OLFM2: variants seen among roughly 807,000 people sequenced by gnomAD.
The protein encoded by OLFM2 is noelin-2.
A neutral mutation model predicts 43.9 loss-of-function variants in OLFM2; 20 were observed. The observed-to-expected ratio is 0.46, with a 90% CI of 0.32 to 0.66. The LOEUF (loss-of-function observed/expected upper bound fraction) is 0.66, where lower values mean the gene tolerates loss of function less well. Among genes scored for constraint, OLFM2 ranks in the 30% least tolerant of loss-of-function variants. OLFM2 has a pLI of 0.04. For synonymous variants in OLFM2, 268 were observed against 278.6 expected (o/e 0.96, Z 0.38); for missense variants, 416 against 643.6 (o/e 0.65, Z 3.83).
intron 1 of OLFM2, among the ~76,000 whole-genome samples, chr19:9,932,019 T>C (rs2086485864): frequency 6.6e-6 from 1 of 152,182 alleles, no homozygotes; most frequent in African/African-American, 2.4e-5. Context: ...TCAGCAGATA[T>C]TTCTTGAGCA....
At chr19:9,898,320 G>A (rs529359883) in intron 1 of OLFM2, among the ~76,000 whole-genome samples, 2 of 150,972 alleles carry the variant, frequency 1.3e-5, no homozygotes, top group South Asian at 2.1e-4. Context: ...TCAGGAGTTC[G>A]AGACCAGCCT....
intron 1 of OLFM2, among the ~76,000 whole-genome samples, chr19:9,901,700 G>A (rs1414829952): frequency 6.6e-6 from 1 of 152,202 alleles, no homozygotes; most frequent in African/African-American, 2.4e-5. Flanking sequence ...CAAAAGAGCA[G>A]CATGTAGGCA....
At chr19:9,861,848 C>T (rs2046367219) in intron 1 of OLFM2, among the ~76,000 whole-genome samples, 1 of 152,088 alleles carries the variant, frequency 6.6e-6, no homozygotes, top group Non-Finnish European at 1.5e-5. Context: ...GGCAAAGCCC[C>T]ATCTCTACTA....
chr19:9,855,818 G>A (rs1403731188), intron 5 of OLFM2, among the ~76,000 whole-genome samples: 2 of 152,126 alleles, frequency 1.3e-5, no homozygotes, highest in African/African-American at 2.4e-5. Context: ...TTACAGGCGT[G>A]AGCCACTGCA....
intron 1 of OLFM2, among the ~76,000 whole-genome samples, chr19:9,891,312 C>T (rs1284380817): frequency 1.4e-5 from 1 of 69,698 alleles, no homozygotes; most frequent in South Asian, 4.3e-4. Context: ...GACTCCATCT[C>T]GGAAAAAAAA....
At chr19:9,914,300 G>A (rs997046307) in intron 1 of OLFM2, among the ~76,000 whole-genome samples, 12 of 152,124 alleles carry the variant, frequency 7.9e-5, no homozygotes, top group African/African-American at 2.7e-4. Flanking sequence ...ATTGGGGGGC[G>A]TGGGGGGGCG....
Position 9,883,956 on chromosome 19 carries a change from G to A in OLFM2, c.64-23162C>T, listed in dbSNP as rs571534760. Among the ~76,000 whole-genome samples, 7 of 152,156 alleles carry A rather than the reference G, an allele frequency of 4.6e-5. 1 individual carries two copies. The South Asian group carries it at 1.2e-3, about 27-fold the overall frequency. ...TCACGGAGGTTGAACGAATGCCTGC[G>A]CACACAGAGCTTAAAATCACAGTAG... On this transcript the variant is annotated intron_variant, in intron 1 of 5. Coordinates refer to ENST00000264833, the MANE Select transcript of OLFM2 (RefSeq NM_058164.4).
At chr19:9,899,683 C>T (rs1020995056) in intron 1 of OLFM2, among the ~76,000 whole-genome samples, 5 of 152,202 alleles carry the variant, frequency 3.3e-5, no homozygotes, top group Non-Finnish European at 4.4e-5. Flanking sequence ...TCCCAAGTAG[C>T]TGGGACTACA....
At chr19:9,867,718 T>C (rs1477613227) in intron 1 of OLFM2, among the ~76,000 whole-genome samples, 7 of 152,122 alleles carry the variant, frequency 4.6e-5, no homozygotes, top group African/African-American at 1.7e-4. Flanking sequence ...AGCCTGCCAG[T>C]CCACAGCCAA....
intron 1 of OLFM2, among the ~76,000 whole-genome samples, chr19:9,879,530 C>A (rs2046522030): frequency 6.6e-6 from 1 of 152,112 alleles, no homozygotes; most frequent in Non-Finnish European, 1.5e-5. Context: ...TCACCCCCTG[C>A]CATGAATGTC....
At chr19:9,871,625 T>A (rs2046443191) in intron 1 of OLFM2, among the ~76,000 whole-genome samples, 1 of 150,652 alleles carries the variant, frequency 6.6e-6, no homozygotes, top group Non-Finnish European at 1.5e-5. Context: ...CTGTAAGTGA[T>A]GTAGCTGGAA....
chr19:9,902,136 C>A (rs987134342), intron 1 of OLFM2, among the ~76,000 whole-genome samples: 1 of 151,520 alleles, frequency 6.6e-6, no homozygotes, highest in Non-Finnish European at 1.5e-5. Flanking sequence ...TCACTCCACT[C>A]TCCTGCCTCA....
intron 1 of OLFM2, among the ~76,000 whole-genome samples, chr19:9,873,661 T>G (rs2046461574): frequency 6.6e-6 from 1 of 152,082 alleles, no homozygotes; most frequent in Non-Finnish European, 1.5e-5. Context: ...AGGGTCTTGC[T>G]CTGTCCCCCA....
intron 1 of OLFM2, among the ~76,000 whole-genome samples, chr19:9,934,282 G>A (rs1267094985): frequency 6.6e-6 from 1 of 152,018 alleles, no homozygotes; most frequent in African/African-American, 2.4e-5. Flanking sequence ...TGGAGGCACT[G>A]CAGCCCGCGG....
Position 9,892,814 on chromosome 19 carries a change from T to G in OLFM2, c.64-32020A>C, listed in dbSNP as rs144192069. ...AGTTTGGGTGACGCGGCTCAACAAG[T>G]AGGGAGAGCAAACCTGTTCTCCCAC... On this transcript the variant is annotated intron_variant, in intron 1 of 5. Coordinates refer to ENST00000264833, the MANE Select transcript of OLFM2 (RefSeq NM_058164.4). Among the ~76,000 whole-genome samples the G allele has an allele frequency of 6.6e-5, 10 of 152,292 alleles. No individual in the cohort carries two copies. In the East Asian group the frequency reaches 1.9e-3, roughly 29 times the overall value.
At chr19:9,867,499 C>G (rs1053704150) in intron 1 of OLFM2, among the ~76,000 whole-genome samples, 1 of 152,144 alleles carries the variant, frequency 6.6e-6, no homozygotes, top group African/African-American at 2.4e-5. Flanking sequence ...AGGAAGAGAG[C>G]AAGCGCCTGC....
At chr19:9,872,714 C>G (rs1022506023) in intron 1 of OLFM2, among the ~76,000 whole-genome samples, 1 of 151,690 alleles carries the variant, frequency 6.6e-6, no homozygotes, top group African/African-American at 2.4e-5. Flanking sequence ...ATTCATCCAT[C>G]TATCCATTCA....
At position 9,857,635 on chromosome 19, in the gene OLFM2, C is replaced by T. The variant is rs185557084; in HGVS notation, c.360+80G>A. Reference sequence around the variant, plus strand: ...TATTGGACCCTAGATTCTTCCCAGACATGACTCCATTGTAGGAACTAATGG... The same window carrying T: ...TATTGGACCCTAGATTCTTCCCAGATATGACTCCATTGTAGGAACTAATGG... On this transcript the variant is annotated intron_variant, in intron 3 of 5. Coordinates refer to ENST00000264833, the MANE Select transcript of OLFM2 (RefSeq NM_058164.4). This position sits in a 1 kb window ranked among gnomAD's most constrained non-coding sequence, Gnocchi z 5.7. 4.6e-3 allele frequency: 7,355 copies of T among 1,600,204 alleles called. 24 individuals are homozygous for T. Among genetic ancestry groups the T allele is most frequent in the Non-Finnish European group, 5.5e-3 (6,378 of 1,168,220 alleles).
chr19:9,865,423 G>A (rs2046393193), intron 1 of OLFM2, among the ~76,000 whole-genome samples: 1 of 149,296 alleles, frequency 6.7e-6, no homozygotes, highest in South Asian at 2.1e-4. Flanking sequence ...CGATCCTCCT[G>A]CCTCAGCCTC....
Sources: gnomAD v4.1 joint callset for allele counts (sites outside exome capture counted in the v4.1 genomes callset) on GRCh38, gnomAD v4.1.1 for gene constraint, Gnocchi (gnomAD v3.1) non-coding constraint, MANE v1.5 for transcripts, NCBI Gene and HGNC (gene_info 2026-07-23, HGNC 2026-07-21) for gene names.